CAMK1D: variants seen among roughly 807,000 people sequenced by gnomAD.
The protein encoded by CAMK1D is calcium/calmodulin-dependent protein kinase type 1D.
In CAMK1D, 9 loss-of-function variants were observed where a neutral mutation model predicts 47.7. The ratio of observed to expected loss-of-function variants is 0.19; its 90% confidence interval spans 0.11 to 0.33. The LOEUF is 0.33. Ranked by LOEUF, CAMK1D falls within the 10% of genes least tolerant of loss-of-function variation. The pLI is 1.00. For synonymous variants in CAMK1D, 184 were observed against 184.9 expected (o/e 0.99, Z 0.04); for missense variants, 291 against 488.7 (o/e 0.60, Z 3.81).
intron 1 of CAMK1D, among the ~76,000 whole-genome samples, chr10:12,423,717 A>G (rs948416263): frequency 1.3e-5 from 2 of 152,176 alleles, no homozygotes; most frequent in African/African-American, 2.4e-5. Context: ...ATAGTTTTGA[A>G]TGTCTCAGAA....
intron 8 of CAMK1D, among the ~76,000 whole-genome samples, chr10:12,820,659 T>A (rs1484406158): frequency 1.3e-5 from 2 of 152,206 alleles, no homozygotes; most frequent in African/African-American, 2.4e-5. Context: ...TTGGCAATCA[T>A]GGACACCTTC....
At position 12,611,652 on chromosome 10, in the gene CAMK1D, C is replaced by T. The variant is rs564395102; in HGVS notation, c.225-55084C>T. 1.7e-3 allele frequency among the ~76,000 whole-genome samples: 209 copies of T among 124,948 alleles called. 2 individuals carry two copies. The highest frequency in any genetic ancestry group is 0.014 in the Middle Eastern group (2 of 146). 82.0% of individuals were successfully genotyped at this position (124,948 alleles called of 152,430 possible). On this transcript the variant is annotated intron_variant, in intron 2 of 10. Transcript: ENST00000619168. The stretch of plus-strand genomic sequence containing the variant: ...TGTCTCCCAGGCTGGAGTGCAGTGG[C>T]GCAATCTCGGCTCACTGCAACCTCC...
intron 2 of CAMK1D, among the ~76,000 whole-genome samples, chr10:12,602,589 G>A (rs1308354893): frequency 1.3e-5 from 2 of 152,108 alleles, no homozygotes; most frequent in Admixed American, 6.5e-5. Flanking sequence ...CACCCCTCCT[G>A]GGCAGCAGAT....
intron 2 of CAMK1D, among the ~76,000 whole-genome samples, chr10:12,623,467 C>T (rs61848352): frequency 0.56 from 9,659 of 17,190 alleles, 4,302 homozygotes; most frequent in Non-Finnish European, 0.74. Flanking sequence ...CTCCCTCTCT[C>T]CCTCCCTCCT....
intron 1 of CAMK1D, among the ~76,000 whole-genome samples, chr10:12,487,917 C>T (rs574528417): frequency 6.6e-6 from 1 of 152,260 alleles, no homozygotes; most frequent in African/African-American, 2.4e-5. Flanking sequence ...GTTCATGGCT[C>T]CTCCAGCCAT....
At chr10:12,588,938 C>G (rs1837915667) in intron 2 of CAMK1D, among the ~76,000 whole-genome samples, 1 of 150,212 alleles carries the variant, frequency 6.7e-6, no homozygotes, top group African/African-American at 2.5e-5. Context: ...TACATGTATA[C>G]AATACACATA....
intron 1 of CAMK1D, among the ~76,000 whole-genome samples, chr10:12,514,799 G>A (rs931916591): frequency 2.0e-5 from 3 of 152,200 alleles, no homozygotes; most frequent in African/African-American, 7.2e-5. Context: ...CATGGCTAGT[G>A]CCGTGTATTT....
At chr10:12,802,330 G>A (rs909368841) in intron 6 of CAMK1D, among the ~76,000 whole-genome samples, 4 of 152,200 alleles carry the variant, frequency 2.6e-5, no homozygotes, top group African/African-American at 7.2e-5. Context: ...GGAGCATAGC[G>A]CTGAAAAAGG....
At chr10:12,482,147 A>G (rs1039695619) in intron 1 of CAMK1D, among the ~76,000 whole-genome samples, 7 of 152,112 alleles carry the variant, frequency 4.6e-5, no homozygotes, top group Non-Finnish European at 7.4e-5. Context: ...TACCTCTTTA[A>G]TCCTCTTAGC....
intron 2 of CAMK1D, among the ~76,000 whole-genome samples, chr10:12,620,186 C>CAAAAA (rs56027797): frequency 0.014 from 1,250 of 86,556 alleles, 90 homozygotes; most frequent in African/African-American, 0.019. Context: ...GACTCCGTCT[C>CAAAAA]AAAAAAAAAA....
At chr10:12,449,294 T>C (rs1833011975) in intron 1 of CAMK1D, among the ~76,000 whole-genome samples, 1 of 152,098 alleles carries the variant, frequency 6.6e-6, no homozygotes, top group Non-Finnish European at 1.5e-5. Flanking sequence ...TCCGTGTGGC[T>C]GTGTGAAGGG....
At chr10:12,724,967 G>T (rs1285131883) in intron 3 of CAMK1D, among the ~76,000 whole-genome samples, 1 of 152,154 alleles carries the variant, frequency 6.6e-6, no homozygotes, top group Non-Finnish European at 1.5e-5. Flanking sequence ...AAGAAAAAAG[G>T]CACGTTTCTT....
Position 12,368,213 on chromosome 10 carries a change from A to T in CAMK1D, c.92+18303A>T, listed in dbSNP as rs1040818780. Among the ~76,000 whole-genome samples the T allele has an allele frequency of 9.0e-4, 135 of 149,380 alleles. 1 individual carries two copies. The highest frequency in any genetic ancestry group is 1.1e-3 in the Admixed American group (17 of 14,984). On this transcript the variant is annotated intron_variant, in intron 1 of 10. Coordinates refer to ENST00000619168, the MANE Select transcript of CAMK1D (RefSeq NM_153498.4). ...GACTCCGTCTCAAAAAAAAAAAAAA[A>T]ATAAAATAAAATGTTTATTGTCCGG...
At chr10:12,443,997 C>A (rs978137942) in intron 1 of CAMK1D, among the ~76,000 whole-genome samples, 1 of 152,190 alleles carries the variant, frequency 6.6e-6, no homozygotes, top group Non-Finnish European at 1.5e-5. Flanking sequence ...TCATGCCCCC[C>A]CTTTTTAGAC....
chr10:12,378,268 A>G (rs544627586), intron 1 of CAMK1D, among the ~76,000 whole-genome samples: 1 of 152,320 alleles, frequency 6.6e-6, no homozygotes, highest in Admixed American at 6.5e-5. Flanking sequence ...TTTTTTAGAT[A>G]CAGCGTCTCA....
chr10:12,601,188 T>G (rs201270680), intron 2 of CAMK1D, among the ~76,000 whole-genome samples: 1 of 91,652 alleles, frequency 1.1e-5, no homozygotes, highest in African/African-American at 5.1e-5. Context: ...TTTTTTTGTT[T>G]GTTTGTTTTT....
chr10:12,572,850 C>G (rs1033940704), intron 2 of CAMK1D, among the ~76,000 whole-genome samples: 4 of 152,118 alleles, frequency 2.6e-5, no homozygotes, highest in Non-Finnish European at 5.9e-5. Flanking sequence ...CCAGGCTGGT[C>G]TTGAACTCTT....
chr10:12,715,981 G>T (rs901852809), intron 3 of CAMK1D, among the ~76,000 whole-genome samples: 1 of 151,952 alleles, frequency 6.6e-6, no homozygotes, highest in Non-Finnish European at 1.5e-5. Context: ...CAAGTGCTAG[G>T]ATTACAGGTG....
intron 3 of CAMK1D, among the ~76,000 whole-genome samples, chr10:12,694,988 G>A (rs959834248): frequency 6.6e-6 from 1 of 151,914 alleles, no homozygotes; most frequent in African/African-American, 2.4e-5. Flanking sequence ...ATAAATCCTC[G>A]TTGGAGTGGA....
Sources: allele counts gnomAD v4.1 joint callset (sites outside exome capture counted in the v4.1 genomes callset), GRCh38; gene constraint gnomAD v4.1.1; transcripts MANE v1.5; gene names NCBI Gene and HGNC (gene_info 2026-07-23, HGNC 2026-07-21).